The following EPHA10 variants were observed in gnomAD, a reference collection of about 807,000 sequenced individuals.
EPHA10 encodes ephrin type-A receptor 10.
In EPHA10, 120 loss-of-function variants were observed where a neutral mutation model predicts 109.7. That is an observed-to-expected ratio of 1.09 (90% CI 0.94 to 1.27). The LOEUF is 1.27. Among genes scored for constraint, EPHA10 ranks in the 50% most tolerant of loss-of-function variants. The probability of loss-of-function intolerance (pLI) is 0.00; values close to 1 mark genes in which losing one functional copy is unlikely to be tolerated. For missense variants in EPHA10, 1,396 were observed against 1,411.1 expected (o/e 0.99, Z 0.17); for synonymous variants, 640 against 618.9 (o/e 1.03, Z -0.51).
chr1:37,762,983 C>G, intron 1 of EPHA10, 134 bp from the exon 2 acceptor site: 1 of 782,908 alleles, frequency 1.3e-6, no homozygotes, highest in Non-Finnish European at 2.0e-6. Context: ...GCAAGTTTTT[C>G]CCACTCCATA....
Position 37,720,849 on chromosome 1 carries a change from G to A in EPHA10, c.2147-5C>T, listed in dbSNP as rs1183747526. 6.2e-7 allele frequency: 1 copy of A among 1,613,892 alleles called. No homozygotes were observed. The highest frequency in any genetic ancestry group is 8.5e-7 in the Non-Finnish European group (1 of 1,179,960). On this transcript the variant is annotated splice_region_variant and splice_polypyrimidine_tract_variant and intron_variant, in intron 11 of 16. Coordinates refer to ENST00000373048, the MANE Select transcript of EPHA10 (RefSeq NM_001099439.2). ...TGACAATCATCAAGGTGCTTCCTGT[G>A]CCCAGGGATGGGAACACACATGCTA...
chr1:37,718,498 G>T lies in EPHA10; in HGVS notation c.2913-12C>A, dbSNP rs1645729081. On this transcript the variant is annotated splice_polypyrimidine_tract_variant and intron_variant, in intron 16 of 16. Transcript: ENST00000373048. ...GGCTCACCAGGTCCCTGAAACAAAG[G>T]CTGGTCACACTCGGCTGGCTTGTCC... is the stretch of plus-strand genomic sequence containing the variant. 1 of 1,613,220 alleles carries T rather than the reference G, an allele frequency of 6.2e-7. No individual in the cohort carries two copies. The highest frequency in any genetic ancestry group is 8.5e-7 in the Non-Finnish European group (1 of 1,179,888).
intron 5 of EPHA10, among the ~76,000 whole-genome samples, 168 bp from the exon 6 acceptor site, chr1:37,735,558 C>T (rs1363792462): frequency 1.2e-4 from 19 of 152,076 alleles, no homozygotes; most frequent in Non-Finnish European, 1.5e-5. Flanking sequence ...GAGGCATGGC[C>T]AAAGGAGAGG....
intron 13 of EPHA10, 74 bp downstream of exon 13, chr1:37,720,277 G>C (rs1259924871): frequency 1.3e-6 from 2 of 1,483,436 alleles, no homozygotes; most frequent in Non-Finnish European, 1.8e-6. Flanking sequence ...GAGTAGAAGT[G>C]GGGAGTTAAG....
chr1:37,715,969 C>T (rs1645685322), downstream of EPHA10: 2 of 584,146 alleles, frequency 3.4e-6, no homozygotes, highest in African/African-American at 1.8e-5. Context: ...CTCAAAGAGG[C>T]ACCATATCAC....
At chr1:37,734,710 T>C in intron 6 of EPHA10, 1 of 444,704 alleles carries the variant, frequency 2.2e-6, no homozygotes, top group Admixed American at 2.6e-5. Flanking sequence ...ATTGGCCATA[T>C]GGAGTTCACA....
Position 37,761,762 on chromosome 1 carries a change from C to A in EPHA10, c.493G>T (p.Asp165Tyr), listed in dbSNP as rs1646434097. 1 of 1,613,716 alleles carries A rather than the reference C, an allele frequency of 6.2e-7. No individual in the cohort carries two copies. The change falls in exon 3 of 17, where the codon GAC (aspartate) becomes TAC (tyrosine). Residue 165 changes from aspartate (D) to tyrosine (Y), a missense_variant. By Grantham distance (160) the Asp-to-Tyr change is radical. Transcript: ENST00000373048. ...IAADESFTQG[D>Y]LGERKMKLNT... ...AGCTTCATCTTGCGCTCACCCAGGT[C>A]GCCCTGCGTGAAGCTCTCGTCCGCC...
intron 5 of EPHA10, among the ~76,000 whole-genome samples, chr1:37,743,927 G>T (rs979655895): frequency 6.6e-6 from 1 of 152,062 alleles, no homozygotes; most frequent in African/African-American, 2.4e-5. Context: ...GAGAGAGAAA[G>T]AACTACACCA....
In EPHA10 at chr1:37,764,813, CTG is replaced by C. The variant is rs1646461220; in HGVS notation, c.106+146_106+147del. 3.3e-6 allele frequency: 2 copies of C among 607,234 alleles called. No individual in the cohort carries two copies. The highest frequency in any genetic ancestry group is 1.9e-5 in the African/African-American group (1 of 53,372). 37.6% of individuals were successfully genotyped at this position (607,234 alleles called of 1,614,324 possible). A position where few individuals can be genotyped will look rare whatever the true frequency, so the allele number is the denominator to read the frequency against. On this transcript the variant is annotated intron_variant, in intron 1 of 16. Transcript: ENST00000373048. The surrounding 1 kb of genome is among the most constrained non-coding windows in gnomAD (Gnocchi z 5.8). Reference sequence around the variant, plus strand: ...CGCTACTGCTTGATCACATTTTTCTCTGTCTCTCCAGTTCTTTGCTGCCTGCT... The same window carrying C: ...CGCTACTGCTTGATCACATTTTTCTCTCTCTCCAGTTCTTTGCTGCCTGCT...
chr1:37,718,634 G>A, intron 16 of EPHA10, 27 bp downstream of exon 16: 1 of 1,613,110 alleles, frequency 6.2e-7, no homozygotes. Flanking sequence ...CCCAGCCCCG[G>A]CCTTGACCTT....
rs1646435958 is a variant in EPHA10, at chr1:37,761,858, T to A, written c.397A>T (p.Thr133Ser). The A allele has an allele frequency of 6.2e-7, 1 of 1,612,764 alleles. No individual in the cohort carries two copies. The highest frequency in any genetic ancestry group is 1.3e-5 in the African/African-American group (1 of 74,932). Residue 133 changes from threonine (T) to serine (S), a missense_variant, in exon 3 of 17, where the codon ACT (threonine) becomes TCT (serine). Physicochemically the swap from Thr to Ser is moderately conservative, Grantham distance 58. Transcript: ENST00000373048. ...CGCCCACGGCCCAGGTCGGCCTCAG[T>A]TTCCAGGTAGTAGACGTTGAAGGTC... ...KETFNVYYLE[T>S]EADLGRGRPR... is the part of the protein sequence containing the mutation.
At chr1:37,736,806 T>A (rs951240971) in intron 5 of EPHA10, among the ~76,000 whole-genome samples, 1 of 152,148 alleles carries the variant, frequency 6.6e-6, no homozygotes, top group African/African-American at 2.4e-5. Context: ...TTATACACAA[T>A]GAACAATTCA....
rs1284929426 is a variant in EPHA10, at chr1:37,754,766, T to A, written c.851-396A>T. Among the ~76,000 whole-genome samples the A allele has an allele frequency of 6.6e-6, 1 of 152,178 alleles. No individual in the cohort carries two copies. The highest frequency in any genetic ancestry group is 2.4e-5 in the African/African-American group (1 of 41,442). On this transcript the variant is annotated intron_variant, in intron 3 of 16. Coordinates refer to ENST00000373048, the MANE Select transcript of EPHA10 (RefSeq NM_001099439.2). The surrounding 1 kb of genome is among the most constrained non-coding windows in gnomAD (Gnocchi z 4.5). ...TTCATTGAATCCTCACAACCACCTG[T>A]GAGGTTATATACTTTATCCTCTTTT...
intron 2 of EPHA10, among the ~76,000 whole-genome samples, 200 bp downstream of exon 2, chr1:37,762,585 C>CT (rs34513765): frequency 0.39 from 54,902 of 141,494 alleles, 11,891 homozygotes; most frequent in African/African-American, 0.58. Context: ...CACTTATTCA[C>CT]TTTTTTTTTT....
intron 3 of EPHA10, among the ~76,000 whole-genome samples, chr1:37,757,798 G>A (rs1646401972): frequency 6.6e-6 from 1 of 152,116 alleles, no homozygotes; most frequent in South Asian, 2.1e-4. Flanking sequence ...GAATAAAACA[G>A]ACAAGGACCT....
intron 8 of EPHA10, among the ~76,000 whole-genome samples, chr1:37,725,866 T>A (rs7541350): frequency 1.3e-5 from 2 of 152,122 alleles, no homozygotes; most frequent in South Asian, 4.1e-4. Flanking sequence ...TGAGGGACCA[T>A]GGCGCAGAGC....
intron 7 of EPHA10, among the ~76,000 whole-genome samples, chr1:37,728,137 T>C (rs1645924646): frequency 6.6e-6 from 1 of 152,222 alleles, no homozygotes; most frequent in Non-Finnish European, 1.5e-5. Context: ...GGATTTTTGA[T>C]GGTGCTTTGA....
chr1:37,763,998 G>T (rs1646455061), intron 1 of EPHA10, among the ~76,000 whole-genome samples: 1 of 152,160 alleles, frequency 6.6e-6, no homozygotes, highest in Non-Finnish European at 1.5e-5. Flanking sequence ...CCCCCAGGAG[G>T]CATCGGATCA....
chr1:37,723,361 TA>T lies in EPHA10; in HGVS notation c.1783del (p.Tyr595MetfsTer80). 6.2e-7 allele frequency: 1 copy of T among 1,614,170 alleles called. No homozygotes were observed. The part of the protein sequence containing the change: ...VLAIWRRPCS[Y>X]GKGGGDAHDE... Reference sequence around the variant, plus strand: ...ATGGGCATCCCCTCCTCCTTTGCCATAGCTGCAGGGCCTGGCAGGGAGTTCA... The same window carrying T: ...ATGGGCATCCCCTCCTCCTTTGCCATGCTGCAGGGCCTGGCAGGGAGTTCA... On this transcript the variant is annotated frameshift_variant, in exon 9 of 17. Transcript: ENST00000373048. LOFTEE classifies it high-confidence loss of function.
Sources: allele counts gnomAD v4.1 joint callset (sites outside exome capture counted in the v4.1 genomes callset), GRCh38; gene constraint gnomAD v4.1.1; non-coding constraint Gnocchi (gnomAD v3.1); transcripts MANE v1.5; gene names NCBI Gene and HGNC (gene_info 2026-07-23, HGNC 2026-07-21).